EYA1: variants seen among roughly 807,000 people sequenced by gnomAD.
EYA1 encodes protein phosphatase EYA1.
In EYA1, 16 loss-of-function variants were observed where a neutral mutation model predicts 82.0. The ratio of observed to expected loss-of-function variants is 0.20; its 90% CI spans 0.13 to 0.30. The LOEUF is 0.30. Ranked by LOEUF, EYA1 falls within the 10% of genes least tolerant of loss-of-function variation. EYA1 has a pLI of 1.00. For missense variants in EYA1, 633 were observed against 730.7 expected (o/e 0.87, Z 1.54); for synonymous variants, 261 against 264.4 (o/e 0.99, Z 0.12).
rs543809716 is a variant in EYA1, at chr8:71,458,059, C to T, written c.33+77685G>A. 1.5e-3 allele frequency among the ~76,000 whole-genome samples: 230 copies of T among 152,150 alleles called. 1 individual carries two copies. The highest frequency in any genetic ancestry group is 5.4e-3 in the African/African-American group (225 of 41,522). ...GGGTAGAGAGAGCGAATATCTTGTT[C>T]TGTTTGAATATCTTTATATTTTACT... On this transcript the variant is annotated intron_variant, in intron 2 of 18. Transcript: ENST00000643681.
intron 9 of EYA1, among the ~76,000 whole-genome samples, chr8:71,294,397 C>T (rs1586222149): frequency 6.6e-6 from 1 of 152,018 alleles, no homozygotes; most frequent in African/African-American, 2.4e-5. Flanking sequence ...GGGGCGGAGC[C>T]TGCAGTGAGC....
intron 10 of EYA1, among the ~76,000 whole-genome samples, chr8:71,271,149 T>C (rs963579884): frequency 9.9e-5 from 15 of 152,212 alleles, no homozygotes; most frequent in Non-Finnish European, 1.5e-5. Context: ...TTTTTGTATT[T>C]TTAATTTTTG....
intron 3 of EYA1, among the ~76,000 whole-genome samples, chr8:71,353,804 A>C (rs1826558327): frequency 6.6e-6 from 1 of 152,176 alleles, no homozygotes; most frequent in Non-Finnish European, 1.5e-5. Context: ...CTGGGAAATG[A>C]TGGTTAAGAG....
At chr8:71,199,494 C>T (rs1224058703) in intron 17 of EYA1, 74 bp from the exon 18 acceptor site, 2 of 928,214 alleles carry the variant, frequency 2.2e-6, no homozygotes, top group African/African-American at 1.6e-5. Context: ...TGGAAATCCA[C>T]TCCCATGCTG....
chr8:71,505,643 G>C (rs1023148554), intron 2 of EYA1, among the ~76,000 whole-genome samples: 1 of 152,022 alleles, frequency 6.6e-6, no homozygotes, highest in Non-Finnish European at 1.5e-5. Context: ...TTTTTTGTGG[G>C]TGTGGCAATT....
intron 1 of EYA1, among the ~76,000 whole-genome samples, chr8:71,357,811 C>T (rs547656152): frequency 7.0e-4 from 106 of 152,180 alleles, no homozygotes; most frequent in Middle Eastern, 3.4e-3. Context: ...TTTTAAAAGA[C>T]GCTTGAGTAT....
intron 2 of EYA1, among the ~76,000 whole-genome samples, chr8:71,492,598 C>G (rs924304252): frequency 2.3e-4 from 35 of 151,656 alleles, no homozygotes; most frequent in African/African-American, 7.5e-4. Context: ...CCCAGTAGCT[C>G]GGACTACAGG....
chr8:71,524,196 A>C (rs1241834557), intron 2 of EYA1, among the ~76,000 whole-genome samples: 1 of 152,190 alleles, frequency 6.6e-6, no homozygotes, highest in African/African-American at 2.4e-5. Context: ...CACACACAAA[A>C]TATTTTTGAA....
At position 71,463,615 on chromosome 8, in the gene EYA1, CTCTCTCTCTCTCTCTCT is replaced by C. The variant is rs1563640086; in HGVS notation, c.33+72112_33+72128del. On this transcript the variant is annotated intron_variant, in intron 2 of 18. Coordinates refer to the EYA1 transcript ENST00000643681. ...TCTCTCTCTCTCTCTCTCTCTCTCTCTCTCTCTCTCTCTCTCTCCCTCCCTCCCCCCTCCCACACACA... is the reference window on the plus strand; with the variant it reads ...TCTCTCTCTCTCTCTCTCTCTCTCTCCCCTCCCTCCCCCCTCCCACACACA... Among the ~76,000 whole-genome samples, 693 of 135,420 alleles carry C rather than the reference CTCTCTCTCTCTCTCTCT, an allele frequency of 5.1e-3. 24 individuals carry two copies. The highest frequency in any genetic ancestry group is 0.02 in the African/African-American group (632 of 32,056). 88.8% of individuals were successfully genotyped at this position (135,420 alleles called of 152,430 possible).
intron 2 of EYA1, among the ~76,000 whole-genome samples, chr8:71,368,743 A>G (rs985429983): frequency 6.6e-6 from 1 of 152,164 alleles, no homozygotes; most frequent in Non-Finnish European, 1.5e-5. Context: ...CTCACCACAA[A>G]TAAATGTATT....
intron 2 of EYA1, among the ~76,000 whole-genome samples, chr8:71,425,459 C>T (rs541825841): frequency 6.6e-6 from 1 of 152,132 alleles, no homozygotes; most frequent in Admixed American, 6.5e-5. Context: ...TTAACCAAGC[C>T]TATGAAATTT....
At chr8:71,503,838 C>G (rs970603648) in intron 2 of EYA1, among the ~76,000 whole-genome samples, 2 of 152,152 alleles carry the variant, frequency 1.3e-5, no homozygotes, top group African/African-American at 4.8e-5. Flanking sequence ...ACAGCAGGGT[C>G]TGGACTTGAA....
At chr8:71,478,400 A>G (rs1164574882) in intron 2 of EYA1, among the ~76,000 whole-genome samples, 1 of 152,202 alleles carries the variant, frequency 6.6e-6, no homozygotes, top group African/African-American at 2.4e-5. Flanking sequence ...ATAGTCCAAT[A>G]GAGCCCATCT....
intron 9 of EYA1, among the ~76,000 whole-genome samples, chr8:71,283,943 A>T: frequency 6.6e-6 from 1 of 152,306 alleles, no homozygotes; most frequent in East Asian, 1.9e-4. Flanking sequence ...AATCAAAATA[A>T]AGGTCTGCCA....
At chr8:71,532,083 T>C (rs1006923129) in intron 2 of EYA1, among the ~76,000 whole-genome samples, 8 of 152,162 alleles carry the variant, frequency 5.3e-5, no homozygotes, top group Non-Finnish European at 7.4e-5. Flanking sequence ...GGCTACATGA[T>C]AGGAATATTG....
intron 2 of EYA1, among the ~76,000 whole-genome samples, chr8:71,482,049 C>G (rs28664571): frequency 5.3e-5 from 8 of 151,890 alleles, no homozygotes; most frequent in Non-Finnish European, 1.2e-4. Context: ...AAAAAGTTAG[C>G]CTTCATTAAA....
In EYA1 at chr8:71,321,759, T is replaced by C; in HGVS notation, c.393A>G (p.Gly131=). ...ATAYATYPQP[G]QPYGISSYGA... Reference sequence around the variant, plus strand: ...CATATGAGGAAATGCCGTACGGCTGTCCTGGCTGTGGGTACGTGGCATAGG... The same window carrying C: ...CATATGAGGAAATGCCGTACGGCTGCCCTGGCTGTGGGTACGTGGCATAGG... Residue 131 remains glycine, a synonymous_variant, in exon 6 of 18, where the codon GGA becomes GGG. Transcript: ENST00000340726. 6.2e-7 allele frequency: 1 copy of C among 1,614,204 alleles called. No individual in the cohort carries two copies. Among genetic ancestry groups the C allele is most frequent in the Non-Finnish European group, 8.5e-7 (1 of 1,180,030 alleles).
intron 2 of EYA1, among the ~76,000 whole-genome samples, chr8:71,484,875 G>A (rs973310776): frequency 1.3e-5 from 2 of 152,178 alleles, no homozygotes; most frequent in African/African-American, 2.4e-5. Context: ...GGCCTGTCCC[G>A]GGGGACCTGG....
intron 12 of EYA1, 148 bp from the exon 13 acceptor site, chr8:71,217,171 AT>A (rs1162669111): frequency 6.0e-6 from 4 of 662,374 alleles, no homozygotes; most frequent in Non-Finnish European, 1.1e-5. Context: ...GTCTTGTAAA[AT>A]TGACATTTTT....
Sources: allele counts gnomAD v4.1 joint callset (sites outside exome capture counted in the v4.1 genomes callset), GRCh38; gene constraint gnomAD v4.1.1; transcripts MANE v1.5; gene names NCBI Gene and HGNC (gene_info 2026-07-23, HGNC 2026-07-21).